SCNN1B: variants seen among roughly 807,000 people sequenced by gnomAD.
The protein encoded by SCNN1B is sodium channel epithelial 1 subunit beta, also known as epithelial sodium channel subunit beta.
Under a neutral mutation model 65.3 loss-of-function variants are expected in SCNN1B, and 46 were observed. The observed-to-expected ratio is 0.70, with a 90% CI of 0.56 to 0.90. SCNN1B has a LOEUF of 0.90. Among genes scored for constraint, SCNN1B ranks in the 40% least tolerant of loss-of-function variants. The pLI is 0.00. For synonymous variants in SCNN1B, 349 were observed against 330.6 expected (o/e 1.06, Z -0.60); for missense variants, 751 against 830.5 (o/e 0.90, Z 1.18).
At chr16:23,318,940 C>T (rs1961529698) in intron 1 of SCNN1B, among the ~76,000 whole-genome samples, 2 of 152,198 alleles carry the variant, frequency 1.3e-5, no homozygotes, top group African/African-American at 4.8e-5. Context: ...TCAAGTGCTA[C>T]TAAGGTTTCT....
rs748501690 is a variant in SCNN1B at position 23,360,225 on chromosome 16, T to TAAATAAATAAATAAATAAAC, written c.776+4739_776+4740insTAAATAAATAAATAAACAAA. Among the ~76,000 whole-genome samples the TAAATAAATAAATAAATAAAC allele has an allele frequency of 8.7e-4, 131 of 150,132 alleles. 1 individual carries two copies. The highest frequency in any genetic ancestry group is 2.8e-3 in the African/African-American group (115 of 40,714). On this transcript the variant is annotated intron_variant, in intron 4 of 12. Transcript: ENST00000343070. ...AAAAATAAATAAATAAATAAATAAA[T>TAAATAAATAAATAAATAAAC]AAACAAATAAATAAATAAATAAAAA...
chr16:23,315,600 T>G (rs1961437104), intron 1 of SCNN1B, among the ~76,000 whole-genome samples: 1 of 152,172 alleles, frequency 6.6e-6, no homozygotes. Context: ...GCCCAGGAGT[T>G]TGAGACCAGC....
Position 23,380,792 on chromosome 16 carries a change from T to C in SCNN1B, c.1914T>C (p.Asp638=), listed in dbSNP as rs767803995. The change falls in exon 13 of 13, where the codon GAT becomes GAC. Residue 638 remains aspartate, a synonymous_variant. Coordinates refer to ENST00000343070, the MANE Select transcript of SCNN1B (RefSeq NM_000336.3). This position sits in a 1 kb window ranked among gnomAD's most constrained non-coding sequence, Gnocchi z 5.4. The stretch of plus-strand genomic sequence containing the variant: ...TCATCGAGTCTGACAGTGAGGGTGA[T>C]GCCATCTAACCCTGCCCCTGCCCAC... ...LDVIESDSEG[D]AI The C allele has an allele frequency of 1.2e-6, 2 of 1,612,174 alleles. No individual in the cohort carries two copies. Among genetic ancestry groups the C allele is most frequent in the Admixed American group, 3.3e-5 (2 of 60,022 alleles).
intron 5 of SCNN1B, 125 bp downstream of exon 5, chr16:23,368,084 G>A: frequency 1.2e-6 from 1 of 821,894 alleles, no homozygotes; most frequent in Non-Finnish European, 2.1e-6. Context: ...AAGAGGAGTG[G>A]CTGCTACCGA....
intron 1 of SCNN1B, among the ~76,000 whole-genome samples, chr16:23,316,185 T>C (rs1480102301): frequency 8.0e-6 from 1 of 124,552 alleles, no homozygotes; most frequent in Admixed American, 7.8e-5. Flanking sequence ...ATCACCACCA[T>C]CATCCCCATC....
chr16:23,314,892 G>A (rs1178495048), intron 1 of SCNN1B, among the ~76,000 whole-genome samples: 7 of 152,198 alleles, frequency 4.6e-5, no homozygotes, highest in Non-Finnish European at 1.0e-4. Context: ...CCCTCCCAAG[G>A]TTTTGGATCC....
At chr16:23,371,688 C>G (rs2142039616) in intron 6 of SCNN1B, 88 bp from the exon 7 acceptor site, 1 of 1,212,288 alleles carries the variant, frequency 8.2e-7, no homozygotes, top group Non-Finnish European at 1.2e-6. Context: ...CCACAGCCCT[C>G]TGTCCCCAAA....
Position 23,352,983 on chromosome 16 carries a change from A to T in SCNN1B, c.494A>T (p.Asp165Val). 1 of 1,614,152 alleles carries T rather than the reference A, an allele frequency of 6.2e-7. No homozygotes were observed. The highest frequency in any genetic ancestry group is 8.5e-7 in the Non-Finnish European group (1 of 1,180,034). The change falls in exon 3 of 13, where the codon GAT becomes GTT. Residue 165 changes from aspartate (D) to valine (V), a missense_variant. Physicochemically the swap from Asp to Val is radical, Grantham distance 152. Coordinates refer to ENST00000343070, the MANE Select transcript of SCNN1B (RefSeq NM_000336.3). ...AACCCCCACCACCCCATGGTCCTTG[A>T]TCTCTTTGGAGACAACCACAATGGC... Reference protein sequence around the residue: ...ERNPHHPMVLDLFGDNHNGLT... With the variant: ...ERNPHHPMVLVLFGDNHNGLT...
intron 1 of SCNN1B, among the ~76,000 whole-genome samples, chr16:23,337,227 G>GT (rs1454059296): frequency 6.6e-6 from 1 of 151,822 alleles, no homozygotes; most frequent in East Asian, 1.9e-4. Flanking sequence ...AATTTTGTAA[G>GT]TTTTTTGTAG....
In SCNN1B at chr16:23,380,034, G is replaced by A; in HGVS notation, c.1467-60G>A. 2 of 1,236,488 alleles carry A rather than the reference G, an allele frequency of 1.6e-6. No homozygotes were observed. The highest frequency in any genetic ancestry group is 3.4e-5 in the Admixed American group (2 of 59,518). 76.6% of individuals were successfully genotyped at this position (1,236,488 alleles called of 1,614,324 possible). ...TGCATGTGTCTATGTGCGTGTGTGT[G>A]TGTCTGTCTGTTTGGAAGGGGGATA... On this transcript the variant is annotated intron_variant, in intron 11 of 12. Coordinates refer to ENST00000343070, the MANE Select transcript of SCNN1B (RefSeq NM_000336.3). This position sits in a 1 kb window ranked among gnomAD's most constrained non-coding sequence, Gnocchi z 5.4.
rs760398998 is a variant in SCNN1B, at chr16:23,367,957, T to C, written c.878T>C (p.Phe293Ser). The change falls in exon 5 of 13, where the codon TTC becomes TCC. Residue 293 changes from phenylalanine to serine, a missense_variant and splice_region_variant. Phe to Ser is a radical substitution (Grantham distance 155). Transcript: ENST00000343070. ...CCTTCGGCCAACCCTGGAACTGAAT[T>C]CGGTGAGTTTTGGTTTATCGTGGGG... ...ALPSANPGTEFGLKLILDIGQ... is the reference protein window; with the variant it reads ...ALPSANPGTESGLKLILDIGQ... 1 of 1,612,088 alleles carries C rather than the reference T, an allele frequency of 6.2e-7. No homozygotes were observed. The highest frequency in any genetic ancestry group is 1.3e-5 in the African/African-American group (1 of 74,850).
chr16:23,333,196 AG>A (rs1961862398), intron 1 of SCNN1B, among the ~76,000 whole-genome samples: 7 of 113,494 alleles, frequency 6.2e-5, no homozygotes, highest in African/African-American at 2.7e-4. Context: ...GAAGGAAGGA[AG>A]GAAGGAAGGA....
Position 23,328,130 on chromosome 16 carries a change from G to T in SCNN1B, c.-8-20462G>T, listed in dbSNP as rs370481370. ...TTTATCTAATCTGGTGAGTTTACAA[G>T]ACAAGAAAGGATCTTTGCTGAATCT... is the stretch of plus-strand genomic sequence containing the variant. On this transcript the variant is annotated intron_variant, in intron 1 of 12. Coordinates refer to ENST00000343070, the MANE Select transcript of SCNN1B (RefSeq NM_000336.3). Among the ~76,000 whole-genome samples, 29 of 152,318 alleles carry T rather than the reference G, an allele frequency of 1.9e-4. 1 individual carries two copies. The highest frequency in any genetic ancestry group is 6.3e-4 in the African/African-American group (26 of 41,572).
At chr16:23,356,987 C>T (rs762471297) in intron 4 of SCNN1B, among the ~76,000 whole-genome samples, 1 of 152,216 alleles carries the variant, frequency 6.6e-6, no homozygotes, top group Admixed American at 6.5e-5. Flanking sequence ...AGCCCCTTGT[C>T]GGCCTCCTGA....
At chr16:23,339,232 T>C (rs1485297699) in intron 1 of SCNN1B, among the ~76,000 whole-genome samples, 1 of 152,212 alleles carries the variant, frequency 6.6e-6, no homozygotes, top group African/African-American at 2.4e-5. Context: ...AATGGAATCC[T>C]ATTATGGATA....
At chr16:23,281,521 A>G (rs1427714749) in intron 1 of SCNN1B, among the ~76,000 whole-genome samples, 3 of 152,190 alleles carry the variant, frequency 2.0e-5, no homozygotes, top group African/African-American at 7.2e-5. Flanking sequence ...GTGTCCATGG[A>G]GGCACAGAGA....
intron 2 of SCNN1B, among the ~76,000 whole-genome samples, chr16:23,292,580 T>A (rs898911515): frequency 1.3e-4 from 20 of 151,918 alleles, no homozygotes; most frequent in Admixed American, 2.0e-4. Flanking sequence ...CATAGTTCAC[T>A]GCAGTGAATC....
chr16:23,371,821 A>G lies in SCNN1B; in HGVS notation c.1090A>G (p.Asn364Asp). The change falls in exon 7 of 13, where the codon AAT becomes GAT. Residue 364 changes from asparagine (N) to aspartate (D), a missense_variant. Coordinates refer to ENST00000343070, the MANE Select transcript of SCNN1B (RefSeq NM_000336.3). ...MGEPYSPCTV[N>D]GSEVPVQNFY... is the part of the protein sequence containing the mutation. Reference sequence around the variant, plus strand: ...GGAGCCCTACAGCCCGTGCACCGTGAATGGTTCTGAGGTCCCCGTCCAAAA... The same window carrying G: ...GGAGCCCTACAGCCCGTGCACCGTGGATGGTTCTGAGGTCCCCGTCCAAAA... The G allele has an allele frequency of 6.2e-7, 1 of 1,614,222 alleles. No individual in the cohort carries two copies.
chr16:23,293,375 G>A (rs1960953975), intron 2 of SCNN1B, among the ~76,000 whole-genome samples: 1 of 152,076 alleles, frequency 6.6e-6, no homozygotes, highest in Admixed American at 6.6e-5. Flanking sequence ...CAACATGATG[G>A]ACCCTGAAGA....
Sources: allele counts gnomAD v4.1 joint callset (sites outside exome capture counted in the v4.1 genomes callset), GRCh38; gene constraint gnomAD v4.1.1; non-coding constraint Gnocchi (gnomAD v3.1); transcripts MANE v1.5; gene names NCBI Gene and HGNC (gene_info 2026-07-23, HGNC 2026-07-21).